The following CAP2 variants were observed in gnomAD, a reference collection of about 807,000 sequenced individuals.
CAP2 encodes cyclase associated actin cytoskeleton regulatory protein 2, also known as adenylyl cyclase-associated protein 2.
CAP2 carries 24 observed loss-of-function variants against 57.7 expected under a neutral mutation model. That is an observed-to-expected ratio of 0.42 (90% confidence interval 0.30 to 0.58). The LOEUF (loss-of-function observed/expected upper bound fraction) is 0.58. CAP2 is among the 20% of genes least tolerant of loss of function. The pLI is 0.22. For missense variants in CAP2, 501 were observed against 590.3 expected (o/e 0.85, Z 1.57); for synonymous variants, 194 against 207.2 (o/e 0.94, Z 0.55).
At position 17,396,606 on chromosome 6, in the gene CAP2, C is replaced by T. The variant is rs140865244; in HGVS notation, c.-2+2860C>T. On this transcript the variant is annotated intron_variant, in intron 1 of 12. Coordinates refer to ENST00000229922, the MANE Select transcript of CAP2 (RefSeq NM_006366.3). ...AATGTCCAGACCAAGGAAATGTATA[C>T]AGCTAGAAAGTAGATTTTTTGTTGC... Among the ~76,000 whole-genome samples the T allele has an allele frequency of 2.0e-5, 3 of 152,274 alleles. No individual in the cohort carries two copies. The East Asian group carries it at 5.8e-4, about 29-fold the overall frequency.
intron 7 of CAP2, among the ~76,000 whole-genome samples, chr6:17,532,134 CTTTTTT>C (rs35428314): frequency 1.2e-5 from 1 of 85,998 alleles, no homozygotes; most frequent in African/African-American, 4.8e-5. Flanking sequence ...GTTTGAAAAT[CTTTTTT>C]TTTTTTTTTT....
At chr6:17,479,904 C>T (rs1001871789) in intron 4 of CAP2, among the ~76,000 whole-genome samples, 3 of 151,852 alleles carry the variant, frequency 2.0e-5, no homozygotes, top group Non-Finnish European at 4.4e-5. Flanking sequence ...TGTGAGCCAC[C>T]GCGCCCAGCT....
chr6:17,513,885 G>C lies in CAP2; in HGVS notation c.567G>C (p.Leu189Phe). 6.2e-7 allele frequency: 1 copy of C among 1,613,804 alleles called. No individual in the cohort carries two copies. Residue 189 changes from leucine (L) to phenylalanine (F), a missense_variant, in exon 7 of 13, where the codon TTG (leucine) becomes TTC (phenylalanine). Transcript: ENST00000229922. The surrounding 1 kb of genome is among the most constrained non-coding windows in gnomAD (Gnocchi z 4.3). ...ATGTGGATTGGGTGAAGTCATATTT[G>C]AACATTTGGAGTGAACTTCAAGCAT... is the stretch of plus-strand genomic sequence containing the variant. ...LRHVDWVKSY[L>F]NIWSELQAYI...
In CAP2 at chr6:17,447,502, G is replaced by A. The variant is rs944758953; in HGVS notation, c.223-15494G>A. Among the ~76,000 whole-genome samples the A allele has an allele frequency of 2.6e-5, 4 of 152,128 alleles. No individual in the cohort carries two copies. The South Asian group carries it at 8.3e-4, about 32-fold the overall frequency. ...AACATTACTTCCTTAATCATTAGGA[G>A]AACTTTGTTTTTCTGAGACGGAGTC... On this transcript the variant is annotated intron_variant, in intron 3 of 12. Coordinates refer to ENST00000229922, the MANE Select transcript of CAP2 (RefSeq NM_006366.3).
chr6:17,516,819 T>C (rs1458085859), intron 7 of CAP2, among the ~76,000 whole-genome samples: 2 of 152,212 alleles, frequency 1.3e-5, no homozygotes, highest in African/African-American at 4.8e-5. Flanking sequence ...ACATTTGTTT[T>C]CCAACACTTT....
intron 4 of CAP2, among the ~76,000 whole-genome samples, chr6:17,477,036 A>C (rs954411211): frequency 6.6e-6 from 1 of 151,574 alleles, no homozygotes; most frequent in Admixed American, 6.6e-5. Context: ...CTCCCAGCTA[A>C]TTTTTTGTAT....
At chr6:17,496,868 A>G (rs1331008017) in intron 4 of CAP2, among the ~76,000 whole-genome samples, 1 of 152,210 alleles carries the variant, frequency 6.6e-6, no homozygotes, top group Non-Finnish European at 1.5e-5. Flanking sequence ...ACATAAATGA[A>G]TCTCAGAGAA....
At chr6:17,460,550 G>T (rs994930125) in intron 3 of CAP2, among the ~76,000 whole-genome samples, 3 of 152,184 alleles carry the variant, frequency 2.0e-5, no homozygotes, top group Non-Finnish European at 4.4e-5. Context: ...ATCTTTCCCA[G>T]CAAGAAGTCA....
chr6:17,420,688 A>G (rs1759415861), intron 1 of CAP2, among the ~76,000 whole-genome samples: 1 of 152,242 alleles, frequency 6.6e-6, no homozygotes, highest in South Asian at 2.1e-4. Context: ...GGGCTTTTAA[A>G]AAGTTAAGTG....
chr6:17,539,202 C>CT, intron 7 of CAP2, 67 bp from the exon 8 acceptor site: 1 of 1,480,860 alleles, frequency 6.8e-7, no homozygotes, highest in Non-Finnish European at 9.2e-7. Context: ...TTTCGACTCT[C>CT]TCGGGCAAAA....
At chr6:17,548,483 A>G (rs775891126) in intron 11 of CAP2, among the ~76,000 whole-genome samples, 12 of 152,196 alleles carry the variant, frequency 7.9e-5, no homozygotes, top group Non-Finnish European at 1.6e-4. Flanking sequence ...AAAAAAGCAA[A>G]CAGAAATGGG....
chr6:17,463,080 G>C lies in CAP2; in HGVS notation c.300+7G>C, dbSNP rs373541335. 123 of 1,603,808 alleles carry C rather than the reference G, an allele frequency of 7.7e-5. No individual in the cohort carries two copies. Among genetic ancestry groups the C allele is most frequent in the Non-Finnish European group, 1.0e-4 (117 of 1,170,840 alleles). The stretch of plus-strand genomic sequence containing the variant: ...GTACCAACAACCCCACGAGGTAAGA[G>C]AGTGTCCTGAGAGGGAAGGTGTCCC... On this transcript the variant is annotated splice_region_variant and intron_variant, in intron 4 of 12. Transcript: ENST00000229922.
intron 4 of CAP2, among the ~76,000 whole-genome samples, chr6:17,474,651 C>T (rs1761102529): frequency 6.6e-6 from 1 of 152,098 alleles, no homozygotes. Context: ...TTCCTCAGCA[C>T]CTATGTAGTA....
intron 7 of CAP2, 76 bp downstream of exon 7, chr6:17,514,030 A>C: frequency 2.1e-4 from 181 of 882,060 alleles, no homozygotes; most frequent in Non-Finnish European, 3.1e-4. Flanking sequence ...CAGTAATCTC[A>C]CACCTTAAAA....
At chr6:17,462,945 C>A (rs771937673) in intron 3 of CAP2, 51 bp from the exon 4 acceptor site, 2 of 1,435,846 alleles carry the variant, frequency 1.4e-6, no homozygotes, top group Non-Finnish European at 2.0e-6. Flanking sequence ...TATATGGTAA[C>A]AATTTTTAGG....
At chr6:17,456,252 C>A (rs1230898288) in intron 3 of CAP2, among the ~76,000 whole-genome samples, 1 of 152,194 alleles carries the variant, frequency 6.6e-6, no homozygotes, top group African/African-American at 2.4e-5. Flanking sequence ...CACAGAACCA[C>A]TGATTCAAGC....
At chr6:17,421,819 G>A (rs933062578) in intron 2 of CAP2, 143 bp downstream of exon 2, 91 of 912,056 alleles carry the variant, frequency 1.0e-4, no homozygotes, top group Admixed American at 8.7e-5. Flanking sequence ...ATTAACCAGA[G>A]GCAAGCAATC....
chr6:17,488,186 G>A (rs1301879033), intron 4 of CAP2, among the ~76,000 whole-genome samples: 1 of 152,122 alleles, frequency 6.6e-6, no homozygotes, highest in Non-Finnish European at 1.5e-5. Flanking sequence ...GAGATTACAG[G>A]CATGAGCCAC....
At chr6:17,547,713 T>C (rs567888584) in intron 11 of CAP2, among the ~76,000 whole-genome samples, 133 of 151,794 alleles carry the variant, frequency 8.8e-4, no homozygotes, top group East Asian at 3.1e-3. Context: ...TGGTGGCGGG[T>C]GCCCATAGTC....
Sources: allele counts gnomAD v4.1 joint callset (sites outside exome capture counted in the v4.1 genomes callset), GRCh38; gene constraint gnomAD v4.1.1; non-coding constraint Gnocchi (gnomAD v3.1); transcripts MANE v1.5; gene names NCBI Gene and HGNC (gene_info 2026-07-23, HGNC 2026-07-21).